The following PPP3CA variants were observed in gnomAD, a reference collection of about 807,000 sequenced individuals.
The protein encoded by PPP3CA is protein phosphatase 3 catalytic subunit alpha, also known as CAM-PRP catalytic subunit.
In PPP3CA, 14 loss-of-function variants were observed where a neutral mutation model predicts 66.5. The ratio of observed to expected loss-of-function variants is 0.21; its 90% CI spans 0.14 to 0.33. The LOEUF is 0.33. PPP3CA is among the 10% of genes least tolerant of loss of function. The pLI is 1.00. For synonymous variants in PPP3CA, 232 were observed against 226.2 expected (o/e 1.03, Z -0.23); for missense variants, 317 against 639.5 (o/e 0.50, Z 5.44).
intron 6 of PPP3CA, among the ~76,000 whole-genome samples, chr4:101,093,073 A>G (rs895666014): frequency 1.3e-5 from 2 of 152,264 alleles, no homozygotes; most frequent in Admixed American, 6.5e-5. Flanking sequence ...ACTCCCACCA[A>G]CAGCGTAAAA....
chr4:101,066,215 T>C (rs904411236), intron 8 of PPP3CA, among the ~76,000 whole-genome samples: 2 of 152,136 alleles, frequency 1.3e-5, no homozygotes, highest in Non-Finnish European at 2.9e-5. Context: ...TCAGTGTCTA[T>C]CAAGTTTTGG....
intron 1 of PPP3CA, among the ~76,000 whole-genome samples, chr4:101,267,114 A>C (rs1038765844): frequency 1.3e-5 from 2 of 152,252 alleles, no homozygotes; most frequent in African/African-American, 4.8e-5. Context: ...ATGTATACAC[A>C]GATTTCCACA....
At chr4:101,110,019 C>T (rs1021664243) in intron 2 of PPP3CA, among the ~76,000 whole-genome samples, 1 of 152,100 alleles carries the variant, frequency 6.6e-6, no homozygotes, top group African/African-American at 2.4e-5. Flanking sequence ...TTCAGATTCA[C>T]CTGATCCAAA....
intron 8 of PPP3CA, among the ~76,000 whole-genome samples, chr4:101,075,132 C>T (rs1313756315): frequency 6.6e-6 from 1 of 152,194 alleles, no homozygotes; most frequent in Non-Finnish European, 1.5e-5. Context: ...ATTATCTCCA[C>T]CTGGCCCTGC....
At chr4:101,296,654 G>T (rs1049441851) in intron 1 of PPP3CA, among the ~76,000 whole-genome samples, 1 of 151,988 alleles carries the variant, frequency 6.6e-6, no homozygotes, top group Non-Finnish European at 1.5e-5. Context: ...TGTCATTTAA[G>T]GGTTTTATCA....
intron 8 of PPP3CA, among the ~76,000 whole-genome samples, chr4:101,063,718 G>C (rs1397233923): frequency 2.0e-5 from 3 of 151,848 alleles, no homozygotes; most frequent in Non-Finnish European, 4.4e-5. Flanking sequence ...AGCTAAGTTT[G>C]ACATAATAAT....
chr4:101,334,847 C>T (rs531153777), intron 1 of PPP3CA, among the ~76,000 whole-genome samples: 152 of 152,096 alleles, frequency 1.0e-3, no homozygotes, highest in African/African-American at 3.4e-3. Context: ...TTCACTTCTA[C>T]GAAACACTAG....
chr4:101,149,317 A>C (rs1158568714), intron 2 of PPP3CA, among the ~76,000 whole-genome samples: 1 of 152,300 alleles, frequency 6.6e-6, no homozygotes, highest in Non-Finnish European at 1.5e-5. Context: ...GTGTTAGAAA[A>C]CATCACTTTT....
At chr4:101,150,716 T>G (rs186736411) in intron 2 of PPP3CA, among the ~76,000 whole-genome samples, 1 of 152,216 alleles carries the variant, frequency 6.6e-6, no homozygotes, top group East Asian at 1.9e-4. Context: ...TAAAGCTGTA[T>G]AGAAGCAAAA....
At chr4:101,167,128 C>T in intron 2 of PPP3CA, among the ~76,000 whole-genome samples, 1 of 152,198 alleles carries the variant, frequency 6.6e-6, no homozygotes, top group Non-Finnish European at 1.5e-5. Flanking sequence ...GAGACAAATA[C>T]AAAATTACAT....
intron 1 of PPP3CA, among the ~76,000 whole-genome samples, chr4:101,272,201 C>A (rs1727357690): frequency 6.6e-6 from 1 of 152,142 alleles, no homozygotes; most frequent in African/African-American, 2.4e-5. Flanking sequence ...ATACTACATA[C>A]CACTTATTGA....
intron 12 of PPP3CA, among the ~76,000 whole-genome samples, chr4:101,029,444 G>T (rs1419948544): frequency 2.7e-5 from 4 of 149,752 alleles, no homozygotes; most frequent in Non-Finnish European, 5.9e-5. Flanking sequence ...AAATGTTTTG[G>T]TTTTTGCCCA....
chr4:101,190,258 G>A (rs1724555501), intron 2 of PPP3CA, among the ~76,000 whole-genome samples: 1 of 152,070 alleles, frequency 6.6e-6, no homozygotes, highest in Non-Finnish European at 1.5e-5. Flanking sequence ...ATTACTGCCA[G>A]TGATTGTTTT....
intron 1 of PPP3CA, among the ~76,000 whole-genome samples, chr4:101,327,234 T>C (rs1561722): frequency 0.11 from 16,189 of 152,162 alleles, 2,926 homozygotes; most frequent in African/African-American, 0.37. Flanking sequence ...TCCAAGACAA[T>C]TGAAGTCTAA....
chr4:101,272,136 G>A lies in PPP3CA; in HGVS notation c.58+74603C>T, dbSNP rs148222127. ...TATGATTACATGAAACTGTTTCTAGGTTTATCTCCTCCACTATACAACTTC... is the reference window on the plus strand; with the variant it reads ...TATGATTACATGAAACTGTTTCTAGATTTATCTCCTCCACTATACAACTTC... On this transcript the variant is annotated intron_variant, in intron 1 of 13. Transcript: ENST00000394854. 4.4e-3 allele frequency among the ~76,000 whole-genome samples: 670 copies of A among 152,104 alleles called. 4 individuals are homozygous for A. The highest frequency in any genetic ancestry group is 0.015 in the African/African-American group (635 of 41,494).
chr4:101,324,973 G>A (rs1440762216), intron 1 of PPP3CA, among the ~76,000 whole-genome samples: 1 of 152,136 alleles, frequency 6.6e-6, no homozygotes, highest in Non-Finnish European at 1.5e-5. Flanking sequence ...TAAAACTAGT[G>A]CATGTTAAAG....
chr4:101,232,723 T>C (rs557807202), intron 1 of PPP3CA, among the ~76,000 whole-genome samples: 1 of 151,922 alleles, frequency 6.6e-6, no homozygotes, highest in South Asian at 2.1e-4. Flanking sequence ...TCCATTTCTA[T>C]ATAAAACCTC....
At chr4:101,227,766 G>A (rs1229356002) in intron 1 of PPP3CA, among the ~76,000 whole-genome samples, 7 of 151,558 alleles carry the variant, frequency 4.6e-5, no homozygotes, top group Non-Finnish European at 8.9e-5. Flanking sequence ...CCTTCTATGT[G>A]TCCATGTGTA....
At chr4:101,054,072 T>A (rs1244188718) in intron 10 of PPP3CA, among the ~76,000 whole-genome samples, 1 of 152,100 alleles carries the variant, frequency 6.6e-6, no homozygotes, top group East Asian at 1.9e-4. Flanking sequence ...AAGAATCTTA[T>A]CACCACTGTG....
Sources: gnomAD v4.1 joint callset for allele counts (sites outside exome capture counted in the v4.1 genomes callset) on GRCh38, gnomAD v4.1.1 for gene constraint, MANE v1.5 for transcripts, NCBI Gene and HGNC (gene_info 2026-07-23, HGNC 2026-07-21) for gene names.